The following CUBN variants were observed in gnomAD, a reference collection of about 807,000 sequenced individuals.
CUBN encodes cubilin.
A neutral mutation model predicts 405.3 loss-of-function variants in CUBN; 282 were observed. The ratio of observed to expected loss-of-function variants is 0.70; its 90% confidence interval spans 0.63 to 0.77. CUBN has a LOEUF of 0.77. Among genes scored for constraint, CUBN ranks in the 30% least tolerant of loss-of-function variants. CUBN has a pLI of 0.00. For missense variants in CUBN, 4,514 were observed against 4,475.2 expected, an observed-to-expected ratio of 1.01 and a Z score of -0.25; for synonymous variants, 1,684 against 1,617.0, an observed-to-expected ratio of 1.04 and a Z score of -0.99.
intron 54 of CUBN, among the ~76,000 whole-genome samples, chr10:16,896,182 G>A (rs962450922): frequency 4.5e-4 from 68 of 151,958 alleles, no homozygotes; most frequent in African/African-American, 1.5e-3. Flanking sequence ...ATAATTTCTT[G>A]TTTTATTAAA....
At chr10:16,859,465 A>G (rs1839954169) in intron 59 of CUBN, among the ~76,000 whole-genome samples, 1 of 152,186 alleles carries the variant, frequency 6.6e-6, no homozygotes, top group African/African-American at 2.4e-5. Flanking sequence ...CAGCAACAAT[A>G]ACAGTACTCT....
chr10:17,043,181 G>A (rs1267221747), intron 26 of CUBN, among the ~76,000 whole-genome samples: 4 of 152,050 alleles, frequency 2.6e-5, no homozygotes, highest in South Asian at 2.1e-4. Context: ...CTTTCTCAAG[G>A]GTTAGGAGCC....
chr10:17,002,820 C>T (rs1833927490), intron 28 of CUBN, among the ~76,000 whole-genome samples: 1 of 152,172 alleles, frequency 6.6e-6, no homozygotes, highest in African/African-American at 2.4e-5. Context: ...TATTTAGAAA[C>T]AGATTTCTTA....
chr10:16,837,934 C>T (rs1345091190), intron 62 of CUBN, among the ~76,000 whole-genome samples: 2 of 152,120 alleles, frequency 1.3e-5, no homozygotes, highest in South Asian at 2.1e-4. Flanking sequence ...TTCTGTGCCC[C>T]GCTGAGTGGT....
At chr10:17,122,934 G>A (rs1382312457) in intron 5 of CUBN, 36 bp from the exon 6 acceptor site, 5 of 1,399,682 alleles carry the variant, frequency 3.6e-6, no homozygotes, top group African/African-American at 1.4e-5. Context: ...AGGTGCCAAA[G>A]GTCACAGAGG....
chr10:16,846,400 ACTTTC>A (rs1307473740), intron 60 of CUBN, among the ~76,000 whole-genome samples: 1 of 152,182 alleles, frequency 6.6e-6, no homozygotes, highest in Non-Finnish European at 1.5e-5. Context: ...TATTTTATAT[ACTTTC>A]CTTTTATTTC....
At chr10:16,916,106 T>A (rs1841877480) in intron 45 of CUBN, 76 bp from the exon 46 acceptor site, 2 of 1,433,804 alleles carry the variant, frequency 1.4e-6, no homozygotes, top group African/African-American at 1.4e-5. Context: ...CAAATTTTGT[T>A]TTCTTCATTT....
chr10:17,078,265 T>C (rs938457140), intron 17 of CUBN, among the ~76,000 whole-genome samples: 2 of 152,204 alleles, frequency 1.3e-5, no homozygotes, highest in African/African-American at 4.8e-5. Context: ...CTCTTTTCCA[T>C]CCCTGTGTGA....
intron 22 of CUBN, among the ~76,000 whole-genome samples, chr10:17,051,433 TG>T (rs1009393856): frequency 6.6e-6 from 1 of 151,512 alleles, no homozygotes; most frequent in African/African-American, 2.4e-5. Context: ...TCAAGAAAAA[TG>T]TGGTCATAGT....
Position 16,877,080 on chromosome 10 carries a change from C to T in CUBN, c.8923G>A (p.Gly2975Arg), listed in dbSNP as rs1485719380. Residue 2975 changes from glycine (G) to arginine (R), a missense_variant, in exon 57 of 67, where the codon GGA becomes AGA. Transcript: ENST00000377833. ...FHLEARSAVT[G>R]SCVNDGVHII... The stretch of plus-strand genomic sequence containing the variant: ...TGCACGCCATCGTTGACACAGCTTC[C>T]CGTCACAGCGGAACGAGCTGGAAAA... 4.3e-6 allele frequency: 7 copies of T among 1,613,610 alleles called. No homozygotes were observed. The highest frequency in any genetic ancestry group is 1.7e-5 in the Admixed American group (1 of 59,948).
At chr10:16,855,740 C>A (rs1196512141) in intron 59 of CUBN, among the ~76,000 whole-genome samples, 1 of 152,148 alleles carries the variant, frequency 6.6e-6, no homozygotes, top group African/African-American at 2.4e-5. Context: ...TAATAGAGCT[C>A]ATTGTTCAAT....
chr10:16,845,434 G>A (rs1397154468), intron 60 of CUBN, among the ~76,000 whole-genome samples: 1 of 152,160 alleles, frequency 6.6e-6, no homozygotes, highest in East Asian at 1.9e-4. Context: ...ACATGCCAGG[G>A]CATAATTTAG....
intron 31 of CUBN, among the ~76,000 whole-genome samples, chr10:16,980,932 C>T (rs866190401): frequency 6.6e-6 from 1 of 151,800 alleles, no homozygotes; most frequent in East Asian, 1.9e-4. Context: ...TTCATTCACT[C>T]TTATATGAAG....
Position 17,032,799 on chromosome 10 carries a change from C to A in CUBN, c.4017+8234G>T, listed in dbSNP as rs942974881. On this transcript the variant is annotated intron_variant, in intron 27 of 66. Coordinates refer to ENST00000377833, the MANE Select transcript of CUBN (RefSeq NM_001081.4). ...GTCCAATAGATGTTCATTAATCAGACTTCTGGGCAAGGATAATCTCTTTGG... is the reference window on the plus strand; with the variant it reads ...GTCCAATAGATGTTCATTAATCAGAATTCTGGGCAAGGATAATCTCTTTGG... Among the ~76,000 whole-genome samples the A allele has an allele frequency of 2.0e-5, 3 of 152,152 alleles. 1 individual carries two copies. The highest frequency in any genetic ancestry group is 2.0e-4 in the Admixed American group (3 of 15,282).
chr10:17,128,758 G>T (rs919771140), intron 2 of CUBN, among the ~76,000 whole-genome samples: 11 of 152,164 alleles, frequency 7.2e-5, no homozygotes, highest in Non-Finnish European at 1.3e-4. Flanking sequence ...CTAGGAAGGG[G>T]GAGGGAGGCT....
chr10:17,052,922 A>G (rs1233444148), intron 22 of CUBN, among the ~76,000 whole-genome samples: 1 of 152,040 alleles, frequency 6.6e-6, no homozygotes, highest in Non-Finnish European at 1.5e-5. Flanking sequence ...CTAGTATGAC[A>G]GTATTTCACT....
intron 34 of CUBN, 120 bp from the exon 35 acceptor site, chr10:16,948,726 T>C: frequency 8.1e-7 from 1 of 1,233,992 alleles, no homozygotes; most frequent in Non-Finnish European, 1.2e-6. Context: ...AAATTGCCAC[T>C]AGGAGAACCA....
At chr10:17,105,280 A>AT (rs1836598987) in intron 11 of CUBN, among the ~76,000 whole-genome samples, 177 bp downstream of exon 11, 1 of 152,172 alleles carries the variant, frequency 6.6e-6, no homozygotes, top group South Asian at 2.1e-4. Context: ...AATTAACTCA[A>AT]TGTTTTTTCC....
intron 50 of CUBN, 111 bp downstream of exon 50, chr10:16,906,092 C>A (rs1841545754): frequency 1.1e-6 from 1 of 885,636 alleles, no homozygotes; most frequent in East Asian, 2.6e-5. Flanking sequence ...CCAGTCCGGG[C>A]AAGAGAGCAA....
Sources: allele counts gnomAD v4.1 joint callset (sites outside exome capture counted in the v4.1 genomes callset), GRCh38; gene constraint gnomAD v4.1.1; transcripts MANE v1.5; gene names NCBI Gene and HGNC (gene_info 2026-07-23, HGNC 2026-07-21).